PLEKHA6: variants seen among roughly 807,000 people sequenced by gnomAD.
PLEKHA6 encodes pleckstrin homology domain-containing family A member 6.
In PLEKHA6, 60 loss-of-function variants were observed where a neutral mutation model predicts 116.7. That is an observed-to-expected ratio of 0.51 (90% CI 0.42 to 0.64). The LOEUF is 0.64. Ranked by LOEUF, PLEKHA6 falls within the 30% of genes least tolerant of loss-of-function variation. The probability of loss-of-function intolerance (pLI) is 0.00; values close to 1 mark genes in which losing one functional copy is unlikely to be tolerated. For missense variants in PLEKHA6, 1,338 were observed against 1,422.7 expected (o/e 0.94, Z 0.96); for synonymous variants, 489 against 556.1 (o/e 0.88, Z 1.70).
chr1:204,362,215 A>G (rs1018789303), upstream of PLEKHA6, among the ~76,000 whole-genome samples: 7 of 152,218 alleles, frequency 4.6e-5, no homozygotes, highest in Non-Finnish European at 7.3e-5. Flanking sequence ...GAGATAATAA[A>G]TTCCCTTTGC....
At chr1:204,359,661 C>A (rs968374123) in intron 1 of PLEKHA6, 33 bp downstream of exon 1, 2 of 984,724 alleles carry the variant, frequency 2.0e-6, no homozygotes, top group Non-Finnish European at 2.4e-6. Context: ...CCTCCTCCCA[C>A]CTCATCTATG....
At chr1:204,235,289 T>C (rs1661875530) in intron 17 of PLEKHA6, among the ~76,000 whole-genome samples, 1 of 152,074 alleles carries the variant, frequency 6.6e-6, no homozygotes, top group Non-Finnish European at 1.5e-5. Flanking sequence ...CATTTGACAC[T>C]CTTGATTCAC....
intron 1 of PLEKHA6, among the ~76,000 whole-genome samples, chr1:204,282,000 C>T (rs538552394): frequency 2.5e-4 from 38 of 152,266 alleles, no homozygotes; most frequent in Non-Finnish European, 4.7e-4. Flanking sequence ...GAGATGGCTC[C>T]GTGGACAAGG....
rs1234882766 is a variant in PLEKHA6 at position 204,257,962 on chromosome 1, G to C, written c.1008-93C>G. 1.7e-6 allele frequency: 2 copies of C among 1,204,228 alleles called. No homozygotes were observed. The highest frequency in any genetic ancestry group is 1.5e-5 in the African/African-American group (1 of 65,808). 74.6% of individuals were successfully genotyped at this position (1,204,228 alleles called of 1,614,324 possible). A position where few individuals can be genotyped will look rare whatever the true frequency, so the allele number is the denominator to read the frequency against. On this transcript the variant is annotated intron_variant, in intron 8 of 22. Transcript: ENST00000272203. The surrounding 1 kb of genome is among the most constrained non-coding windows in gnomAD (Gnocchi z 6.5). ...CCTCCAGGTCCCCCAGCCTAGAGCA[G>C]GGTGCTTGAATAGGTACACAGGGGC... is the stretch of plus-strand genomic sequence containing the variant.
At chr1:204,258,824 T>C (rs972057289) in intron 8 of PLEKHA6, among the ~76,000 whole-genome samples, 3 of 152,074 alleles carry the variant, frequency 2.0e-5, no homozygotes, top group African/African-American at 7.2e-5. Flanking sequence ...ACAATTAGAG[T>C]TGTTCAAAAA....
At chr1:204,256,502 C>G (rs1571912440) in intron 9 of PLEKHA6, among the ~76,000 whole-genome samples, 1 of 152,264 alleles carries the variant, frequency 6.6e-6, no homozygotes, top group South Asian at 2.1e-4. Context: ...CCTGATTTTT[C>G]CTGCCTAGGC....
intron 15 of PLEKHA6, 24 bp from the exon 16 acceptor site, chr1:204,241,838 G>T: frequency 6.2e-7 from 1 of 1,613,686 alleles, no homozygotes; most frequent in South Asian, 1.1e-5. Flanking sequence ...GTGAGAAGAT[G>T]GTTGATGTTA....
At position 204,241,659 on chromosome 1, in the gene PLEKHA6, C is replaced by G. The variant is rs201763513; in HGVS notation, c.2302+26G>C. The G allele has an allele frequency of 5.8e-5, 91 of 1,555,568 alleles. No individual in the cohort carries two copies. The African/African-American group carries it at 1.1e-3, about 19-fold the overall frequency. On this transcript the variant is annotated intron_variant, in intron 16 of 22. Transcript: ENST00000272203. ...CTCCCTGAGCATCCTTGCCTTACTT[C>G]TAGGGGAAGATGGGACAGAAAGTAC...
chr1:204,279,300 C>T (rs1396310512), intron 1 of PLEKHA6, among the ~76,000 whole-genome samples: 1 of 152,222 alleles, frequency 6.6e-6, no homozygotes, highest in Non-Finnish European at 1.5e-5. Context: ...GGCTCAGGGG[C>T]TTCCCCTGCT....
intron 2 of PLEKHA6, chr1:204,368,945 GC>G (rs1313201295): frequency 2.6e-5 from 4 of 152,382 alleles, no homozygotes; most frequent in African/African-American, 9.6e-5. Context: ...GTTAGCAGCT[GC>G]TTTGAGGCAC....
rs534978052 is a variant in PLEKHA6, at chr1:204,290,534, A to G, written c.-94-15725T>C. Among the ~76,000 whole-genome samples, 9 of 152,378 alleles carry G rather than the reference A, an allele frequency of 5.9e-5. 1 individual carries two copies. In the South Asian group the frequency reaches 1.9e-3, roughly 32 times the overall value. Reference sequence around the variant, plus strand: ...AATTAACTCAAAACGGACCATAGACATAAATGAAAGAGCTAAAACTACAAT... The same window carrying G: ...AATTAACTCAAAACGGACCATAGACGTAAATGAAAGAGCTAAAACTACAAT... On this transcript the variant is annotated intron_variant, in intron 1 of 22. Transcript: ENST00000272203.
upstream of PLEKHA6, among the ~76,000 whole-genome samples, chr1:204,360,198 T>A (rs1337851124): frequency 1.3e-5 from 2 of 152,150 alleles, no homozygotes; most frequent in East Asian, 3.9e-4. Context: ...AAGCTGCATT[T>A]TTAGAGTCCC....
In PLEKHA6 at chr1:204,247,128, C is replaced by A. The variant is rs184438106; in HGVS notation, c.1920+237G>T. ...CTCCAACCTGGGCAACAGAGCAAGA[C>A]CCCATCCCAAGAGGAAAAAAAATCC... On this transcript the variant is annotated intron_variant, in intron 13 of 22. Transcript: ENST00000272203. 1.9e-4 allele frequency among the ~76,000 whole-genome samples: 29 copies of A among 152,256 alleles called. No homozygotes were observed. In the East Asian group the frequency reaches 5.2e-3, roughly 27 times the overall value.
At chr1:204,322,237 C>T (rs1672089394) in intron 1 of PLEKHA6, among the ~76,000 whole-genome samples, 1 of 152,136 alleles carries the variant, frequency 6.6e-6, no homozygotes, top group African/African-American at 2.4e-5. Flanking sequence ...CTACACACAC[C>T]CCTTTAGTCT....
At chr1:204,241,354 T>G in intron 17 of PLEKHA6, 21 bp downstream of exon 17, 562 of 1,486,308 alleles carry the variant, frequency 3.8e-4, no homozygotes, top group Middle Eastern at 5.2e-4. Flanking sequence ...CAGGCCTGCA[T>G]GAGCTTGCAG....
chr1:204,273,755 AC>A lies in PLEKHA6; in HGVS notation c.-13-16del. On this transcript the variant is annotated splice_polypyrimidine_tract_variant and intron_variant, in intron 2 of 22. Transcript: ENST00000272203. Reference sequence around the variant, plus strand: ...CCAAGGTCGATCTGATTTCAAGTCGACCAGAGAAAAGAGATTGGTGAGATCC... The same window carrying A: ...CCAAGGTCGATCTGATTTCAAGTCGACAGAGAAAAGAGATTGGTGAGATCC... 6.4e-7 allele frequency: 1 copy of A among 1,568,738 alleles called. No homozygotes were observed. The highest frequency in any genetic ancestry group is 8.8e-7 in the Non-Finnish European group (1 of 1,138,988).
chr1:204,267,581 G>C, intron 4 of PLEKHA6, 34 bp from the exon 5 acceptor site: 1 of 1,579,808 alleles, frequency 6.3e-7, no homozygotes, highest in African/African-American at 1.3e-5. Context: ...TGTGAGGGCT[G>C]CAAGCTGGAC....
chr1:204,353,891 C>T (rs1043293191), intron 1 of PLEKHA6, among the ~76,000 whole-genome samples: 1 of 151,938 alleles, frequency 6.6e-6, no homozygotes, highest in South Asian at 2.1e-4. Flanking sequence ...CCCTTCAATT[C>T]CCCAGTGAGA....
intron 1 of PLEKHA6, among the ~76,000 whole-genome samples, chr1:204,357,495 AGT>A (rs894524369): frequency 1.3e-5 from 2 of 152,198 alleles, no homozygotes; most frequent in African/African-American, 4.8e-5. Flanking sequence ...ATGTGCTTTA[AGT>A]GTTTGGAGAC....
Sources: allele counts gnomAD v4.1 joint callset (sites outside exome capture counted in the v4.1 genomes callset), GRCh38; gene constraint gnomAD v4.1.1; non-coding constraint Gnocchi (gnomAD v3.1); transcripts MANE v1.5; gene names NCBI Gene and HGNC (gene_info 2026-07-23, HGNC 2026-07-21).